TMTC2: variants seen among roughly 807,000 people sequenced by gnomAD.
TMTC2 encodes protein O-mannosyl-transferase TMTC2.
TMTC2 carries 43 observed loss-of-function variants against 82.4 expected under a neutral mutation model. The observed-to-expected ratio is 0.52, with a 90% CI of 0.41 to 0.67. The LOEUF (loss-of-function observed/expected upper bound fraction) is 0.67. TMTC2 is among the 30% of genes least tolerant of loss of function. TMTC2 has a pLI of 0.00. For missense variants in TMTC2, 919 were observed against 1,012.4 expected, an observed-to-expected ratio of 0.91 and a Z score of 1.25; for synonymous variants, 408 against 381.9, an observed-to-expected ratio of 1.07 and a Z score of -0.80.
chr12:83,117,664 T>C (rs1252806048), intron 11 of TMTC2, among the ~76,000 whole-genome samples: 1 of 152,222 alleles, frequency 6.6e-6, no homozygotes, highest in African/African-American at 2.4e-5. Flanking sequence ...CTGTGAATTT[T>C]AGATTTGTTT....
At chr12:82,692,153 G>A (rs1872605505) in intron 1 of TMTC2, among the ~76,000 whole-genome samples, 2 of 152,118 alleles carry the variant, frequency 1.3e-5, no homozygotes, top group Admixed American at 1.3e-4. Context: ...TGCATTGAAT[G>A]GACATGTGCA....
intron 1 of TMTC2, among the ~76,000 whole-genome samples, chr12:82,733,640 T>G (rs965404896): frequency 2.7e-5 from 4 of 150,396 alleles, no homozygotes; most frequent in African/African-American, 9.7e-5. Context: ...TTTCAGAGAT[T>G]ATGGTTTTGT....
intron 7 of TMTC2, among the ~76,000 whole-genome samples, chr12:82,969,958 G>A (rs1040109876): frequency 1.3e-5 from 2 of 152,168 alleles, no homozygotes; most frequent in African/African-American, 4.8e-5. Flanking sequence ...AGGAAGATAT[G>A]AGAATACATG....
At chr12:82,886,686 TG>T (rs1209908980) in intron 2 of TMTC2, among the ~76,000 whole-genome samples, 3 of 152,158 alleles carry the variant, frequency 2.0e-5, no homozygotes, top group Non-Finnish European at 4.4e-5. Context: ...TTAGTTGGTG[TG>T]GGGGAGAAAA....
At chr12:82,815,734 G>A (rs1868674770) in intron 1 of TMTC2, among the ~76,000 whole-genome samples, 1 of 152,056 alleles carries the variant, frequency 6.6e-6, no homozygotes, top group Non-Finnish European at 1.5e-5. Context: ...TAACTGTCCA[G>A]TGAAGGTGTG....
intron 7 of TMTC2, among the ~76,000 whole-genome samples, chr12:82,974,185 A>T (rs1323095283): frequency 3.9e-5 from 6 of 152,142 alleles, no homozygotes; most frequent in Non-Finnish European, 8.8e-5. Flanking sequence ...CCTGGTCAAC[A>T]TGGAGAGACT....
chr12:82,842,865 C>A (rs1210786900), intron 1 of TMTC2, among the ~76,000 whole-genome samples: 2 of 152,062 alleles, frequency 1.3e-5, no homozygotes, highest in African/African-American at 4.8e-5. Context: ...TGGATTAGGA[C>A]CCACCCGAAA....
At chr12:83,061,377 T>C (rs1260279963) in intron 10 of TMTC2, among the ~76,000 whole-genome samples, 2 of 151,814 alleles carry the variant, frequency 1.3e-5, no homozygotes, top group Admixed American at 6.6e-5. Context: ...TTACTGTTTT[T>C]ATAAAACGAA....
At chr12:82,794,598 A>G (rs892067109) in intron 1 of TMTC2, among the ~76,000 whole-genome samples, 1 of 152,134 alleles carries the variant, frequency 6.6e-6, no homozygotes, top group Non-Finnish European at 1.5e-5. Context: ...CCTCTTATAA[A>G]GGCTTCTATT....
At chr12:83,032,344 C>A (rs895770644) in intron 9 of TMTC2, among the ~76,000 whole-genome samples, 25 of 146,208 alleles carry the variant, frequency 1.7e-4, no homozygotes, top group Admixed American at 1.6e-3. Context: ...TCCTTTTGAA[C>A]TGCAATTTCA....
intron 1 of TMTC2, among the ~76,000 whole-genome samples, chr12:82,783,579 G>A (rs985217946): frequency 1.3e-5 from 2 of 151,980 alleles, no homozygotes; most frequent in African/African-American, 2.4e-5. Flanking sequence ...TCTTCTAAGT[G>A]GAGGATTTAC....
At chr12:82,690,418 T>C (rs906789223) in intron 1 of TMTC2, 4 of 984,632 alleles carry the variant, frequency 4.1e-6, no homozygotes, top group Non-Finnish European at 4.8e-6. Flanking sequence ...TAAATCATTA[T>C]TGCTGTGGTA....
chr12:82,730,555 C>G lies in TMTC2; in HGVS notation c.83+42886C>G, dbSNP rs376660104. Among the ~76,000 whole-genome samples the G allele has an allele frequency of 8.1e-4, 124 of 152,318 alleles. 2 individuals carry two copies. The South Asian group carries it at 0.017, about 20-fold the overall frequency. ...TAGATTTGTGAGTGCTTTGTGACTACTGAGCATTCTCTTGAATCCATGCAG... is the reference window on the plus strand; with the variant it reads ...TAGATTTGTGAGTGCTTTGTGACTAGTGAGCATTCTCTTGAATCCATGCAG... On this transcript the variant is annotated intron_variant, in intron 1 of 11. Transcript: ENST00000321196.
chr12:82,891,804 A>C (rs76263437), intron 2 of TMTC2, among the ~76,000 whole-genome samples: 4 of 152,316 alleles, frequency 2.6e-5, no homozygotes, highest in African/African-American at 4.8e-5. Context: ...GCAAATCACA[A>C]CACTTTAGAA....
chr12:82,795,614 G>T (rs1878682031), intron 1 of TMTC2, among the ~76,000 whole-genome samples: 1 of 151,958 alleles, frequency 6.6e-6, no homozygotes, highest in Admixed American at 6.6e-5. Context: ...GGCCATGAAA[G>T]TTCTTCCCTG....
At position 82,752,181 on chromosome 12, in the gene TMTC2, G is replaced by A. The variant is rs11115383; in HGVS notation, c.83+64512G>A. Among the ~76,000 whole-genome samples, 179 of 105,852 alleles carry A rather than the reference G, an allele frequency of 1.7e-3. 1 individual carries two copies. Among genetic ancestry groups the A allele is most frequent in the Middle Eastern group, 9.6e-3 (1 of 104 alleles). The allele number at this position is 105,852 out of a possible 152,430, so 69.4% of individuals were successfully genotyped here. A position where few individuals can be genotyped will look rare whatever the true frequency, so the allele number is the denominator to read the frequency against. Reference sequence around the variant, plus strand: ...TTTTTTTTTTTCTGAAGGCTTTCTCGTTGCTTATAAGACTCTCAGGCTGGG... The same window carrying A: ...TTTTTTTTTTTCTGAAGGCTTTCTCATTGCTTATAAGACTCTCAGGCTGGG... On this transcript the variant is annotated intron_variant, in intron 1 of 11. Transcript: ENST00000321196.
At chr12:83,018,325 C>T (rs1880768623) in intron 8 of TMTC2, among the ~76,000 whole-genome samples, 1 of 152,168 alleles carries the variant, frequency 6.6e-6, no homozygotes, top group Non-Finnish European at 1.5e-5. Context: ...TTCTGCAGTA[C>T]AAGTGTCAAC....
At position 82,701,851 on chromosome 12, in the gene TMTC2, A is replaced by T. The variant is rs532438912; in HGVS notation, c.83+14182A>T. Reference sequence around the variant, plus strand: ...ACATTTTTCTAGGGATTCCCTGTATAAAGAAAATATGTATTAACTTAAAAT... The same window carrying T: ...ACATTTTTCTAGGGATTCCCTGTATTAAGAAAATATGTATTAACTTAAAAT... On this transcript the variant is annotated intron_variant, in intron 1 of 11. Coordinates refer to ENST00000321196, the MANE Select transcript of TMTC2 (RefSeq NM_152588.3). Among the ~76,000 whole-genome samples, 784 of 152,238 alleles carry T rather than the reference A, an allele frequency of 5.1e-3. 5 individuals carry two copies. The highest frequency in any genetic ancestry group is 9.0e-3 in the Non-Finnish European group (612 of 68,016).
intron 3 of TMTC2, among the ~76,000 whole-genome samples, chr12:82,915,748 C>T (rs1240696210): frequency 2.0e-5 from 3 of 152,216 alleles, no homozygotes; most frequent in African/African-American, 4.8e-5. Flanking sequence ...GAACCAAACT[C>T]AAATGATCCC....
Sources: allele counts gnomAD v4.1 joint callset (sites outside exome capture counted in the v4.1 genomes callset), GRCh38; gene constraint gnomAD v4.1.1; transcripts MANE v1.5; gene names NCBI Gene and HGNC (gene_info 2026-07-23, HGNC 2026-07-21).